KCNQ5: variants seen among roughly 807,000 people sequenced by gnomAD.
KCNQ5 encodes potassium voltage-gated channel subfamily Q member 5.
Under a neutral mutation model 98.2 loss-of-function variants are expected in KCNQ5, and 30 were observed. The observed-to-expected ratio is 0.31, with a 90% CI of 0.23 to 0.41. KCNQ5 has a LOEUF of 0.41. Ranked by LOEUF, KCNQ5 falls within the 10% of genes least tolerant of loss-of-function variation. The pLI, the probability that KCNQ5 is intolerant of heterozygous loss-of-function variation, is 1.00. For synonymous variants in KCNQ5, 458 were observed against 449.4 expected, an observed-to-expected ratio of 1.02 and a Z score of -0.24; for missense variants, 835 against 1,182.5, an observed-to-expected ratio of 0.71 and a Z score of 4.31.
At chr6:72,815,564 C>T (rs1413253945) in intron 1 of KCNQ5, among the ~76,000 whole-genome samples, 3 of 152,088 alleles carry the variant, frequency 2.0e-5, no homozygotes. Flanking sequence ...GGTTCCAAAC[C>T]AATCAGGATT....
At chr6:72,644,372 C>T (rs1183656076) in intron 1 of KCNQ5, among the ~76,000 whole-genome samples, 7 of 152,162 alleles carry the variant, frequency 4.6e-5, no homozygotes, top group African/African-American at 1.7e-4. Context: ...CCGTAAGGCA[C>T]ATCACAGCCT....
chr6:72,691,843 G>A (rs1319308387), intron 1 of KCNQ5, among the ~76,000 whole-genome samples: 1 of 152,146 alleles, frequency 6.6e-6, no homozygotes, highest in Non-Finnish European at 1.5e-5. Flanking sequence ...GTGAGACTGT[G>A]ATAGAAATAT....
chr6:72,685,142 G>T (rs543951825), intron 1 of KCNQ5, among the ~76,000 whole-genome samples: 1 of 152,268 alleles, frequency 6.6e-6, no homozygotes, highest in Admixed American at 6.5e-5. Context: ...ATGAATCCAG[G>T]CAAACTCTGA....
intron 1 of KCNQ5, among the ~76,000 whole-genome samples, chr6:72,628,693 T>C (rs1311546389): frequency 6.6e-6 from 1 of 152,154 alleles, no homozygotes; most frequent in East Asian, 1.9e-4. Context: ...CACTCCAACC[T>C]CAGCTTCCCA....
intron 1 of KCNQ5, among the ~76,000 whole-genome samples, chr6:72,886,922 G>T (rs1015903210): frequency 6.6e-6 from 1 of 151,936 alleles, no homozygotes; most frequent in African/African-American, 2.4e-5. Flanking sequence ...TTTCCTAAAA[G>T]GTCTACTTCA....
intron 1 of KCNQ5, among the ~76,000 whole-genome samples, chr6:72,972,852 A>C (rs1164470417): frequency 6.6e-6 from 1 of 151,858 alleles, no homozygotes; most frequent in Non-Finnish European, 1.5e-5. Context: ...TTTTTATTTC[A>C]TCACCTACAT....
At position 72,846,938 on chromosome 6, in the gene KCNQ5, A is replaced by G. The variant is rs114196851; in HGVS notation, c.399-156970A>G. 6.8e-3 allele frequency among the ~76,000 whole-genome samples: 1,033 copies of G among 152,250 alleles called. 14 individuals carry two copies. Among genetic ancestry groups the G allele is most frequent in the African/African-American group, 0.022 (925 of 41,566 alleles). ...ATTCATTTGGATAAATAAGTTATTTAAAAAGACCCCCAAAACAGGCCTCAT... is the reference window on the plus strand; with the variant it reads ...ATTCATTTGGATAAATAAGTTATTTGAAAAGACCCCCAAAACAGGCCTCAT... On this transcript the variant is annotated intron_variant, in intron 1 of 13. Transcript: ENST00000370398.
At chr6:72,692,860 G>T (rs1768280263) in intron 1 of KCNQ5, among the ~76,000 whole-genome samples, 1 of 152,160 alleles carries the variant, frequency 6.6e-6, no homozygotes, top group Admixed American at 6.5e-5. Flanking sequence ...GGAAAAGTAT[G>T]TAAAGACATA....
chr6:73,002,453 T>C (rs964804047), intron 1 of KCNQ5, among the ~76,000 whole-genome samples: 1 of 152,212 alleles, frequency 6.6e-6, no homozygotes, highest in African/African-American at 2.4e-5. Context: ...ATAATTTTAT[T>C]CCATAAATTT....
At position 72,622,772 on chromosome 6, in the gene KCNQ5, A is replaced by G. The variant is rs1486473265; in HGVS notation, c.398+185A>G. 6.6e-6 allele frequency among the ~76,000 whole-genome samples: 1 copy of G among 151,954 alleles called. No homozygotes were observed. Among genetic ancestry groups the G allele is most frequent in the African/African-American group, 2.4e-5 (1 of 41,388 alleles). ...CCCCTCCCCCAGCCCCACTTCTCTC[A>G]TCTCTACAGCTTGAACCTTTTCCCC... is the stretch of plus-strand genomic sequence containing the variant. On this transcript the variant is annotated intron_variant, in intron 1 of 13. Transcript: ENST00000370398. The surrounding 1 kb of genome is among the most constrained non-coding windows in gnomAD (Gnocchi z 6.0).
chr6:73,120,673 G>A (rs1453855864), intron 8 of KCNQ5, 96 bp downstream of exon 8: 1 of 705,340 alleles, frequency 1.4e-6, no homozygotes, highest in East Asian at 2.9e-5. Context: ...GTTAATGTTT[G>A]GCTTCTCTTA....
At chr6:72,893,376 A>C (rs1368713103) in intron 1 of KCNQ5, among the ~76,000 whole-genome samples, 1 of 152,154 alleles carries the variant, frequency 6.6e-6, no homozygotes, top group Non-Finnish European at 1.5e-5. Flanking sequence ...CCAGTTTGTA[A>C]GTGTGTGACA....
At chr6:73,104,534 T>C (rs1774926188) in intron 5 of KCNQ5, among the ~76,000 whole-genome samples, 1 of 152,204 alleles carries the variant, frequency 6.6e-6, no homozygotes, top group Non-Finnish European at 1.5e-5. Flanking sequence ...GTGTTCTCAC[T>C]GTTCTGCAGC....
intron 1 of KCNQ5, among the ~76,000 whole-genome samples, chr6:72,918,601 C>T (rs1780265590): frequency 6.6e-6 from 1 of 151,944 alleles, no homozygotes; most frequent in Non-Finnish European, 1.5e-5. Context: ...CTAATTAGAA[C>T]TTCAAAGGAA....
intron 5 of KCNQ5, among the ~76,000 whole-genome samples, chr6:73,082,086 A>G (rs1312494403): frequency 6.6e-6 from 1 of 152,208 alleles, no homozygotes; most frequent in Non-Finnish European, 1.5e-5. Context: ...TATCTGCAAG[A>G]CGCCTTCAAA....
chr6:72,866,103 A>T (rs927052803), intron 1 of KCNQ5, among the ~76,000 whole-genome samples: 1 of 152,196 alleles, frequency 6.6e-6, no homozygotes, highest in African/African-American at 2.4e-5. Context: ...AGTAAAATAG[A>T]TAACTTGCCC....
chr6:72,722,669 A>T (rs1292417280), intron 1 of KCNQ5, among the ~76,000 whole-genome samples: 1 of 152,156 alleles, frequency 6.6e-6, no homozygotes, highest in Non-Finnish European at 1.5e-5. Flanking sequence ...TTCCTTCGGC[A>T]TAGCTCGGAT....
At chr6:72,664,767 T>C (rs575250942) in intron 1 of KCNQ5, among the ~76,000 whole-genome samples, 1 of 152,112 alleles carries the variant, frequency 6.6e-6, no homozygotes, top group Non-Finnish European at 1.5e-5. Context: ...GAGAAAGTAA[T>C]ATCATCAAAT....
chr6:73,161,901 TTTTTA>T (rs1777627921), intron 10 of KCNQ5, among the ~76,000 whole-genome samples: 3 of 152,046 alleles, frequency 2.0e-5, no homozygotes, highest in South Asian at 2.1e-4. Flanking sequence ...GGCTTAGATC[TTTTTA>T]TTTTATTTTT....
Sources: gnomAD v4.1 joint callset for allele counts (sites outside exome capture counted in the v4.1 genomes callset) on GRCh38, gnomAD v4.1.1 for gene constraint, Gnocchi (gnomAD v3.1) non-coding constraint, MANE v1.5 for transcripts, NCBI Gene and HGNC (gene_info 2026-07-23, HGNC 2026-07-21) for gene names.